The following CSNK2A1 variants were observed in gnomAD, a reference collection of about 807,000 sequenced individuals.
CSNK2A1 encodes casein kinase II subunit alpha.
CSNK2A1 carries 10 observed loss-of-function variants against 62.9 expected under a neutral mutation model. The ratio of observed to expected loss-of-function variants is 0.16; its 90% CI spans 0.10 to 0.27. CSNK2A1 has a LOEUF of 0.27. Ranked by LOEUF, CSNK2A1 falls within the 10% of genes least tolerant of loss-of-function variation. CSNK2A1 has a pLI of 1.00. For synonymous variants in CSNK2A1, 124 were observed against 167.8 expected (o/e 0.74, Z 2.02); for missense variants, 160 against 492.0 (o/e 0.33, Z 6.38).
chr20:540,740 T>C (rs2019433317), intron 1 of CSNK2A1: 1 of 152,228 alleles, frequency 6.6e-6, no homozygotes, highest in Admixed American at 6.5e-5. Context: ...CCACTCCTGG[T>C]ACCAAAATCT....
chr20:540,367 C>T (rs1183770742), intron 1 of CSNK2A1, among the ~76,000 whole-genome samples: 1 of 152,222 alleles, frequency 6.6e-6, no homozygotes, highest in Non-Finnish European at 1.5e-5. Flanking sequence ...AAGTTCATCA[C>T]TTGCAAATTT....
In CSNK2A1 at chr20:488,752, C is replaced by A. The variant is rs1401416854; in HGVS notation, c.750G>T (p.Gly250=). Residue 250 remains glycine, a synonymous_variant, in exon 11 of 14, where the codon GGG becomes GGT. Transcript: ENST00000217244. ...CAATATAGTCATATAAATCTTCTGT[C>A]CCCAGAACCTTGGCTATCCTCACCA... ...DQLVRIAKVL[G]TEDLYDYIDK... 1 of 1,613,620 alleles carries A rather than the reference C, an allele frequency of 6.2e-7. No individual in the cohort carries two copies. The highest frequency in any genetic ancestry group is 8.5e-7 in the Non-Finnish European group (1 of 1,179,874).
Position 499,726 on chromosome 20 carries a change from G to C in CSNK2A1, c.315+107C>G, listed in dbSNP as rs1011615320. 5.8e-6 allele frequency: 6 copies of C among 1,027,026 alleles called. No homozygotes were observed. In the African/African-American group the frequency reaches 8.0e-5, roughly 14 times the overall value. The allele number at this position is 1,027,026 out of a possible 1,614,324, so 63.6% of individuals were successfully genotyped here. A position where few individuals can be genotyped will look rare whatever the true frequency, so the allele number is the denominator to read the frequency against. ...TATCTGATTAAGCACTTTCAAAGCAGGACTTAATGATGAGGGTTGGGGGAG... is the reference window on the plus strand; with the variant it reads ...TATCTGATTAAGCACTTTCAAAGCACGACTTAATGATGAGGGTTGGGGGAG... On this transcript the variant is annotated intron_variant, in intron 5 of 13. Coordinates refer to ENST00000217244, the MANE Select transcript of CSNK2A1 (RefSeq NM_177559.3). The surrounding 1 kb of genome is among the most constrained non-coding windows in gnomAD (Gnocchi z 4.2).
At chr20:527,605 C>G (rs1237381518) in intron 2 of CSNK2A1, among the ~76,000 whole-genome samples, 1 of 152,174 alleles carries the variant, frequency 6.6e-6, no homozygotes, top group African/African-American at 2.4e-5. Flanking sequence ...TCTACAGGGC[C>G]AAAGCAACCC....
rs780636994 is a variant in CSNK2A1 at position 478,699 on chromosome 20, C to A, written c.*5262G>T. 2 of 399,040 alleles carry A rather than the reference C, an allele frequency of 5.0e-6. No individual in the cohort carries two copies. Among genetic ancestry groups the A allele is most frequent in the South Asian group, 3.4e-5 (2 of 58,820 alleles). 24.7% of individuals were successfully genotyped at this position (399,040 alleles called of 1,614,324 possible). A position where few individuals can be genotyped will look rare whatever the true frequency, so the allele number is the denominator to read the frequency against. ...ATCTCAGCACTTTGGGAGGCCAAGG[C>A]GGGTAGACTGTTGAGCTCAGGAGTT... On this transcript the variant is annotated 3_prime_UTR_variant, in exon 14 of 14. Transcript: ENST00000217244.
At chr20:526,238 A>G (rs205876) in intron 2 of CSNK2A1, among the ~76,000 whole-genome samples, 135,461 of 152,152 alleles carry the variant, frequency 0.89, 60,678 homozygotes, top group East Asian at 1. Flanking sequence ...TTGAAAGGCC[A>G]AGGCAAAGGA....
rs2017826604 is a variant in CSNK2A1 at position 475,362 on chromosome 20, AG to A, written c.*8598del. 1 of 151,942 alleles carries A rather than the reference AG, an allele frequency of 6.6e-6. No individual in the cohort carries two copies. The highest frequency in any genetic ancestry group is 2.4e-5 in the African/African-American group (1 of 41,244). The allele number at this position is 151,942 out of a possible 1,614,324, so 9.4% of individuals were successfully genotyped here. On this transcript the variant is annotated 3_prime_UTR_variant, in exon 14 of 14. Transcript: ENST00000217244. ...ATAATCCCAACTACTTGGGAGGCTG[AG>A]GCAGGAGAATCGCTTGAACCTGGGA...
In CSNK2A1 at chr20:505,608, C is replaced by T. The variant is rs187573369; in HGVS notation, c.102-379G>A. 1.3e-3 allele frequency among the ~76,000 whole-genome samples: 197 copies of T among 151,380 alleles called. 1 individual carries two copies. The highest frequency in any genetic ancestry group is 1.8e-3 in the African/African-American group (75 of 41,306). On this transcript the variant is annotated intron_variant, in intron 3 of 13. Coordinates refer to ENST00000217244, the MANE Select transcript of CSNK2A1 (RefSeq NM_177559.3). ...CGATCTCCTGACCTCGTGATTCGTC[C>T]GCCTCGGCCTCCCAAAGTGCTGGGA...
intron 2 of CSNK2A1, among the ~76,000 whole-genome samples, chr20:521,979 C>T (rs1336026283): frequency 6.6e-6 from 1 of 152,220 alleles, no homozygotes; most frequent in Non-Finnish European, 1.5e-5. Flanking sequence ...AATCCCCGGG[C>T]CATGGGCCTG....
chr20:498,044 T>C (rs2122538693), intron 6 of CSNK2A1: 1 of 336,662 alleles, frequency 3.0e-6, no homozygotes, highest in South Asian at 3.6e-5. Context: ...GATACGTTAA[T>C]ATGCACTGAC....
chr20:542,190 G>A (rs1243797505), intron 1 of CSNK2A1, among the ~76,000 whole-genome samples: 1 of 152,228 alleles, frequency 6.6e-6, no homozygotes, highest in Non-Finnish European at 1.5e-5. Context: ...GCCAGACACT[G>A]TAGTAAGCAC....
At chr20:521,406 A>G (rs983561412) in intron 2 of CSNK2A1, among the ~76,000 whole-genome samples, 6 of 152,216 alleles carry the variant, frequency 3.9e-5, no homozygotes, top group African/African-American at 9.7e-5. Context: ...ACAGAAAACA[A>G]AACTATACCA....
intron 10 of CSNK2A1, 103 bp from the exon 11 acceptor site, chr20:488,881 A>G: frequency 3.8e-6 from 4 of 1,044,088 alleles, no homozygotes; most frequent in Non-Finnish European, 5.6e-6. Flanking sequence ...TCATGTCTAC[A>G]GGTATGAATG....
At position 515,830 on chromosome 20, in the gene CSNK2A1, CA is replaced by C. The variant is rs1412583378; in HGVS notation, c.-109-7171del. 2.0e-5 allele frequency among the ~76,000 whole-genome samples: 3 copies of C among 152,220 alleles called. No homozygotes were observed. In the East Asian group the frequency reaches 5.8e-4, roughly 29 times the overall value. ...AATGAAATGAAAATGAAGTTGCATC[CA>C]AAGTATAGGGTGTTCCTAAATACTT... On this transcript the variant is annotated intron_variant, in intron 2 of 13. Transcript: ENST00000217244.
chr20:490,912 C>A (rs1308105929), intron 9 of CSNK2A1, among the ~76,000 whole-genome samples: 21 of 143,470 alleles, frequency 1.5e-4, no homozygotes, highest in South Asian at 4.4e-4. Flanking sequence ...AAAAAAAAAA[C>A]CTCCAAATTG....
At chr20:533,418 AACATACAAC>A (rs2019253428) in intron 1 of CSNK2A1, among the ~76,000 whole-genome samples, 1 of 152,140 alleles carries the variant, frequency 6.6e-6, no homozygotes, top group Non-Finnish European at 1.5e-5. Flanking sequence ...CTACATACAA[AACATACAAC>A]ATGTTTGTTT....
At chr20:489,535 A>G (rs936603938) in intron 10 of CSNK2A1, 35 of 427,544 alleles carry the variant, frequency 8.2e-5, no homozygotes, top group Non-Finnish European at 1.2e-4. Context: ...ATTCTAAGGT[A>G]ATGTCCTATT....
chr20:535,271 AAGAC>A (rs2019293987), intron 1 of CSNK2A1, among the ~76,000 whole-genome samples: 3 of 152,304 alleles, frequency 2.0e-5, no homozygotes, highest in South Asian at 4.1e-4. Context: ...ACTGGTCAGG[AAGAC>A]AGACAAATAG....
At chr20:508,885 T>A (rs1280471062) in intron 2 of CSNK2A1, among the ~76,000 whole-genome samples, 1 of 152,166 alleles carries the variant, frequency 6.6e-6, no homozygotes, top group African/African-American at 2.4e-5. Context: ...TTGCCAAATA[T>A]CCTGTTACCT....
Sources: allele counts gnomAD v4.1 joint callset (sites outside exome capture counted in the v4.1 genomes callset), GRCh38; gene constraint gnomAD v4.1.1; non-coding constraint Gnocchi (gnomAD v3.1); transcripts MANE v1.5; gene names NCBI Gene and HGNC (gene_info 2026-07-23, HGNC 2026-07-21).